Variants in SGCD observed in about 807,000 individuals in gnomAD.
SGCD encodes delta-sarcoglycan.
Under a neutral mutation model 36.6 loss-of-function variants are expected in SGCD, and 18 were observed. The ratio of observed to expected loss-of-function variants is 0.49; its 90% CI spans 0.34 to 0.73. SGCD has a LOEUF of 0.73. Ranked by LOEUF, SGCD falls within the 30% of genes least tolerant of loss-of-function variation. The probability of loss-of-function intolerance (pLI) is 0.01; values close to 1 mark genes in which losing one functional copy is unlikely to be tolerated. For missense variants in SGCD, 387 were observed against 346.7 expected (o/e 1.12, Z -0.92); for synonymous variants, 133 against 130.6 (o/e 1.02, Z -0.12).
intron 1 of SGCD, among the ~76,000 whole-genome samples, chr5:155,975,998 C>A (rs1758106682): frequency 6.6e-6 from 1 of 152,040 alleles, no homozygotes. Context: ...TAAAATCATT[C>A]TTTCATTCCT....
At chr5:156,487,960 T>TTTTATA (rs1036889697) in intron 3 of SGCD, among the ~76,000 whole-genome samples, 1 of 136,708 alleles carries the variant, frequency 7.3e-6, no homozygotes. Flanking sequence ...GTAACATATA[T>TTTTATA]TATATATATA....
At chr5:155,801,592 C>T in the SGCD span, among the ~76,000 whole-genome samples, 5 of 152,194 alleles carry the variant, frequency 3.3e-5, no homozygotes, top group Admixed American at 3.3e-4. Flanking sequence ...CTTAGAGAGG[C>T]AGAAGACTGA....
In SGCD at chr5:156,140,784, G is replaced by A. The variant is rs369862789; in HGVS notation, c.-44+16765G>A. Among the ~76,000 whole-genome samples, 17 of 152,334 alleles carry A rather than the reference G, an allele frequency of 1.1e-4. No homozygotes were observed. In the South Asian group the frequency reaches 2.7e-3, roughly 24 times the overall value. ...ATGTTTAGGAGAGAAAACCAAGGGT[G>A]TGCCTGGCCAAGTGACCCTTTGATA... On this transcript the variant is annotated intron_variant, in intron 3 of 9. Transcript: ENST00000517913.
chr5:156,702,364 T>C (rs2113732349), intron 7 of SGCD, among the ~76,000 whole-genome samples: 1 of 152,250 alleles, frequency 6.6e-6, no homozygotes, highest in East Asian at 1.9e-4. Context: ...AATATTCTTC[T>C]CTTTATGAAC....
chr5:156,588,687 T>G (rs1476096547), intron 4 of SGCD, among the ~76,000 whole-genome samples: 1 of 152,194 alleles, frequency 6.6e-6, no homozygotes, highest in Admixed American at 6.5e-5. Flanking sequence ...AGAAGCATAC[T>G]TGGGGACATC....
chr5:156,648,668 A>G (rs1428666182), intron 7 of SGCD, among the ~76,000 whole-genome samples: 2 of 152,130 alleles, frequency 1.3e-5, no homozygotes, highest in Admixed American at 1.3e-4. Context: ...ATTACACATC[A>G]CACCACAAGG....
chr5:156,070,472 G>A lies in SGCD; in HGVS notation c.-281-47406G>A, dbSNP rs984480620. Reference sequence around the variant, plus strand: ...ATATTGAACCAGACTTGCATCCCAGGGATGAAGCCCACTTGATCATGACTG... The same window carrying A: ...ATATTGAACCAGACTTGCATCCCAGAGATGAAGCCCACTTGATCATGACTG... On this transcript the variant is annotated intron_variant, in intron 1 of 9. Coordinates refer to the SGCD transcript ENST00000517913. Among the ~76,000 whole-genome samples, 31 of 150,038 alleles carry A rather than the reference G, an allele frequency of 2.1e-4. 1 individual carries two copies. In the Middle Eastern group the frequency reaches 0.014, roughly 66 times the overall value.
At chr5:156,692,446 T>C (rs552378052) in intron 7 of SGCD, among the ~76,000 whole-genome samples, 2 of 152,346 alleles carry the variant, frequency 1.3e-5, no homozygotes, top group African/African-American at 4.8e-5. Context: ...GCTGAAGATC[T>C]AACTCTGCTA....
chr5:155,878,856 A>G (rs1755818706), intron 1 of SGCD, among the ~76,000 whole-genome samples: 1 of 152,194 alleles, frequency 6.6e-6, no homozygotes, highest in South Asian at 2.1e-4. Context: ...AACAAATTCA[A>G]TATTGAGCTT....
chr5:155,974,791 C>A (rs946659605), intron 1 of SGCD, among the ~76,000 whole-genome samples: 1 of 151,902 alleles, frequency 6.6e-6, no homozygotes, highest in Admixed American at 6.5e-5. Context: ...GGACAGTGGA[C>A]CCTTGAAGGG....
chr5:156,763,377 C>A lies in SGCD; in HGVS notation c.*3987C>A, dbSNP rs1354234563. On this transcript the variant is annotated 3_prime_UTR_variant, in exon 9 of 9. Transcript: ENST00000337851. ...GCCACTGTGCTTACTGTTCCTACAG[C>A]CACACCAGGCTTGAAGAGTTAGTGA... 1 of 152,590 alleles carries A rather than the reference C, an allele frequency of 6.6e-6. No individual in the cohort carries two copies. The highest frequency in any genetic ancestry group is 1.5e-5 in the Non-Finnish European group (1 of 68,044). 9.5% of individuals were successfully genotyped at this position (152,590 alleles called of 1,614,324 possible).
At chr5:155,819,791 C>T in the SGCD span, among the ~76,000 whole-genome samples, 8 of 151,932 alleles carry the variant, frequency 5.3e-5, no homozygotes, top group African/African-American at 1.9e-4. Flanking sequence ...ATCTCAGTCT[C>T]CAGGGGACAT....
At chr5:156,000,711 T>C (rs1758645933) in intron 1 of SGCD, among the ~76,000 whole-genome samples, 1 of 152,030 alleles carries the variant, frequency 6.6e-6, no homozygotes, top group Non-Finnish European at 1.5e-5. Context: ...GGGTTCTGCC[T>C]TTAGACCAGA....
At chr5:156,295,690 G>A (rs918584617) in intron 3 of SGCD, among the ~76,000 whole-genome samples, 4 of 152,168 alleles carry the variant, frequency 2.6e-5, no homozygotes, top group African/African-American at 9.7e-5. Flanking sequence ...CTAGCAGATG[G>A]CCTAACGCAT....
chr5:156,758,274 C>A (rs1231385679), intron 8 of SGCD, among the ~76,000 whole-genome samples: 1 of 152,114 alleles, frequency 6.6e-6, no homozygotes, highest in Non-Finnish European at 1.5e-5. Flanking sequence ...GCTAGCAAGA[C>A]AAGCCAATTA....
intron 6 of SGCD, among the ~76,000 whole-genome samples, chr5:156,631,298 A>G (rs1486486083): frequency 6.6e-6 from 1 of 152,154 alleles, no homozygotes; most frequent in Non-Finnish European, 1.5e-5. Context: ...AAATATATTC[A>G]TAGATAGTAT....
At chr5:156,247,799 G>C in intron 3 of SGCD, among the ~76,000 whole-genome samples, 1 of 152,132 alleles carries the variant, frequency 6.6e-6, no homozygotes. Context: ...TGTTCTTTAA[G>C]GCAGAAATTC....
chr5:156,260,270 G>A (rs1316571358), intron 3 of SGCD, among the ~76,000 whole-genome samples: 1 of 152,104 alleles, frequency 6.6e-6, no homozygotes, highest in African/African-American at 2.4e-5. Context: ...GAATAGTCTT[G>A]TCTAGTTCTT....
intron 1 of SGCD, among the ~76,000 whole-genome samples, chr5:156,052,591 T>C (rs1759948014): frequency 6.8e-6 from 1 of 146,062 alleles, no homozygotes; most frequent in African/African-American, 2.5e-5. Context: ...TATATTTTAG[T>C]GGTAGAAACA....
Sources: allele counts gnomAD v4.1 joint callset (sites outside exome capture counted in the v4.1 genomes callset), GRCh38; gene constraint gnomAD v4.1.1; transcripts MANE v1.5; gene names NCBI Gene and HGNC (gene_info 2026-07-23, HGNC 2026-07-21).